Variants in NTRK3 observed in about 807,000 individuals in gnomAD.
The protein encoded by NTRK3 is NT-3 growth factor receptor.
Under a neutral mutation model 91.7 loss-of-function variants are expected in NTRK3, and 24 were observed. That is an observed-to-expected ratio of 0.26 (90% CI 0.19 to 0.37). The LOEUF is 0.37. Ranked by LOEUF, NTRK3 falls within the 10% of genes least tolerant of loss-of-function variation. NTRK3 has a pLI of 1.00. For missense variants in NTRK3, 880 were observed against 1,068.9 expected, an observed-to-expected ratio of 0.82 and a Z score of 2.46; for synonymous variants, 483 against 404.0, an observed-to-expected ratio of 1.20 and a Z score of -2.34.
chr15:87,938,307 T>C (rs2069490099), intron 15 of NTRK3, among the ~76,000 whole-genome samples: 1 of 152,236 alleles, frequency 6.6e-6, no homozygotes, highest in Non-Finnish European at 1.5e-5. Context: ...TTGTGGGTTA[T>C]ACTTGTATGT....
At chr15:88,204,889 C>T (rs2048610956) in intron 3 of NTRK3, among the ~76,000 whole-genome samples, 1 of 152,142 alleles carries the variant, frequency 6.6e-6, no homozygotes, top group Non-Finnish European at 1.5e-5. Flanking sequence ...AGGTACAAGC[C>T]CCTCTCCCAT....
intron 14 of NTRK3, among the ~76,000 whole-genome samples, chr15:88,016,877 A>G (rs1021187501): frequency 6.6e-6 from 1 of 150,720 alleles, no homozygotes; most frequent in Non-Finnish European, 1.5e-5. Context: ...TCTTTCATAA[A>G]GACTGGCTGA....
At chr15:88,160,616 C>A (rs2044361320) in intron 5 of NTRK3, among the ~76,000 whole-genome samples, 1 of 152,208 alleles carries the variant, frequency 6.6e-6, no homozygotes, top group Non-Finnish European at 1.5e-5. Context: ...GACATGTGAG[C>A]ACACCATTGG....
intron 13 of NTRK3, among the ~76,000 whole-genome samples, chr15:88,119,975 AAGACATAGGGACACTC>A (rs1260466833): frequency 6.6e-6 from 1 of 152,184 alleles, no homozygotes; most frequent in Non-Finnish European, 1.5e-5. Context: ...ACACATGGCT[AAGACATAGGGACACTC>A]TGTTCCAGCT....
chr15:87,884,303 T>C (rs536530284), intron 17 of NTRK3, among the ~76,000 whole-genome samples: 381 of 151,732 alleles, frequency 2.5e-3, no homozygotes, highest in Non-Finnish European at 4.1e-3. Context: ...AAAAGTTAAA[T>C]AGAAAAGTTG....
chr15:88,021,205 A>G (rs921124448), intron 14 of NTRK3, among the ~76,000 whole-genome samples: 1 of 152,170 alleles, frequency 6.6e-6, no homozygotes, highest in Admixed American at 6.5e-5. Flanking sequence ...TACCACCCCA[A>G]TTCGGGCTAT....
intron 6 of NTRK3, 58 bp downstream of exon 6, chr15:88,147,277 C>G: frequency 6.7e-7 from 1 of 1,499,550 alleles, no homozygotes; most frequent in Non-Finnish European, 9.3e-7. Flanking sequence ...TGACACTCCT[C>G]CCCATCCACC....
intron 3 of NTRK3, among the ~76,000 whole-genome samples, chr15:88,218,434 G>C (rs1275551002): frequency 3.9e-5 from 6 of 152,208 alleles, no homozygotes; most frequent in African/African-American, 1.4e-4. Flanking sequence ...CAGCTTACTG[G>C]ATCTCTCTGA....
At chr15:87,880,596 C>A (rs1352409062) in intron 17 of NTRK3, among the ~76,000 whole-genome samples, 168 bp from the exon 19 acceptor site, 1 of 152,104 alleles carries the variant, frequency 6.6e-6, no homozygotes, top group African/African-American at 2.4e-5. Flanking sequence ...ACTTTGGAGA[C>A]CTACGATAAA....
At chr15:87,970,660 A>G (rs1411423021) in intron 14 of NTRK3, among the ~76,000 whole-genome samples, 1 of 152,216 alleles carries the variant, frequency 6.6e-6, no homozygotes, top group Non-Finnish European at 1.5e-5. Flanking sequence ...GCAAACTGTG[A>G]AACTCTAAGA....
intron 5 of NTRK3, among the ~76,000 whole-genome samples, chr15:88,148,496 GAAGA>G (rs1370219168): frequency 6.6e-6 from 1 of 152,174 alleles, no homozygotes; most frequent in Non-Finnish European, 1.5e-5. Flanking sequence ...GAGCCAAGAA[GAAGA>G]AAGAGCTGAG....
At chr15:87,950,531 G>C (rs750081477) in intron 14 of NTRK3, among the ~76,000 whole-genome samples, 5 of 152,228 alleles carry the variant, frequency 3.3e-5, no homozygotes, top group Non-Finnish European at 2.9e-5. Context: ...TAAGGGGACT[G>C]AGAAAGAACA....
At chr15:87,906,617 AT>A (rs1567092563) in intron 17 of NTRK3, among the ~76,000 whole-genome samples, 1 of 152,240 alleles carries the variant, frequency 6.6e-6, no homozygotes, top group Non-Finnish European at 1.5e-5. Context: ...GAATTTTCAG[AT>A]ACGATTTCAT....
chr15:88,129,507 C>T (rs370929470), intron 10 of NTRK3, among the ~76,000 whole-genome samples: 9 of 152,234 alleles, frequency 5.9e-5, no homozygotes, highest in Middle Eastern at 3.4e-3. Context: ...AGGCTCTTGC[C>T]CACTCTACCA....
intron 14 of NTRK3, among the ~76,000 whole-genome samples, chr15:87,967,844 A>G (rs1156802619): frequency 1.3e-5 from 2 of 152,242 alleles, no homozygotes; most frequent in Non-Finnish European, 2.9e-5. Flanking sequence ...CCCATGGGGC[A>G]GTCAGTGATG....
intron 17 of NTRK3, among the ~76,000 whole-genome samples, chr15:87,886,636 G>A (rs1445639185): frequency 7.1e-6 from 1 of 140,668 alleles, no homozygotes; most frequent in African/African-American, 2.7e-5. Context: ...TTCCTCTATA[G>A]TATGTGAGTA....
At chr15:87,918,198 T>A (rs1275259688) in intron 17 of NTRK3, among the ~76,000 whole-genome samples, 1 of 152,166 alleles carries the variant, frequency 6.6e-6, no homozygotes, top group Non-Finnish European at 1.5e-5. Context: ...TGCAATGGCC[T>A]GCCTTTATGG....
chr15:88,016,330 G>A (rs1223291507), intron 14 of NTRK3, among the ~76,000 whole-genome samples: 2 of 152,176 alleles, frequency 1.3e-5, no homozygotes, highest in South Asian at 2.1e-4. Flanking sequence ...AAGCCAATGA[G>A]GAAGCCCTGA....
At chr15:88,147,800 G>C (rs549597903) in intron 5 of NTRK3, among the ~76,000 whole-genome samples, 1 of 152,018 alleles carries the variant, frequency 6.6e-6, no homozygotes, top group Non-Finnish European at 1.5e-5. Flanking sequence ...CACGCACACA[G>C]GTCAAAAAAC....
Sources: gnomAD v4.1 joint callset for allele counts (sites outside exome capture counted in the v4.1 genomes callset) on GRCh38, gnomAD v4.1.1 for gene constraint, MANE v1.5 for transcripts, NCBI Gene and HGNC (gene_info 2026-07-23, HGNC 2026-07-21) for gene names.